Variants in BCAN observed in about 807,000 individuals in gnomAD.
BCAN encodes brevican core protein.
In BCAN, 51 loss-of-function variants were observed where a neutral mutation model predicts 92.4. The observed-to-expected ratio is 0.55, with a 90% CI of 0.44 to 0.70. BCAN has a LOEUF of 0.70. Among genes scored for constraint, BCAN ranks in the 30% least tolerant of loss-of-function variants. The probability of loss-of-function intolerance (pLI) is 0.00; values close to 1 mark genes in which losing one functional copy is unlikely to be tolerated. For synonymous variants in BCAN, 501 were observed against 505.2 expected (o/e 0.99, Z 0.11); for missense variants, 1,140 against 1,212.1 (o/e 0.94, Z 0.88).
intron 1 of BCAN, 76 bp from the exon 2 acceptor site, chr1:156,645,971 T>G: frequency 7.9e-7 from 1 of 1,265,440 alleles, no homozygotes; most frequent in Non-Finnish European, 1.1e-6. Flanking sequence ...TGAACCCACA[T>G]GGGTGTGGTA....
In BCAN at chr1:156,659,164, A is replaced by C; in HGVS notation, c.*30A>C. 6.6e-7 allele frequency: 1 copy of C among 1,504,262 alleles called. No homozygotes were observed. 93.2% of individuals were successfully genotyped at this position (1,504,262 alleles called of 1,614,324 possible). On this transcript the variant is annotated 3_prime_UTR_variant, in exon 14 of 14. Transcript: ENST00000329117. ...CAAGGCCTTGAACACTGCCGGCCAC[A>C]GCACTGCCCTGTCACCCAAATTTTC...
At position 156,652,901 on chromosome 1, in the gene BCAN, G is replaced by T. The variant is rs1403366398; in HGVS notation, c.1942+9G>T. 1 of 1,613,134 alleles carries T rather than the reference G, an allele frequency of 6.2e-7. No individual in the cohort carries two copies. The highest frequency in any genetic ancestry group is 8.5e-7 in the Non-Finnish European group (1 of 1,179,896). On this transcript the variant is annotated intron_variant, in intron 8 of 13. Transcript: ENST00000329117. ...CGTGGTCCCCGCATCAGGTAATTCT[G>T]CCCAAGGCTCAACTGCCCTCTCTAT... is the stretch of plus-strand genomic sequence containing the variant.
intron 2 of BCAN, chr1:156,646,478 AG>A: frequency 2.0e-6 from 1 of 495,170 alleles, no homozygotes; most frequent in Non-Finnish European, 3.5e-6. Context: ...TGGAGGACTC[AG>A]GGGGCGAGGT....
intron 8 of BCAN, 33 bp downstream of exon 8, chr1:156,652,925 A>G (rs780682225): frequency 3.7e-6 from 6 of 1,608,364 alleles, no homozygotes; most frequent in East Asian, 2.2e-5. Context: ...TGCCCTCTCT[A>G]TCCTACTCCT....
chr1:156,653,478 G>A (rs1679244005), intron 8 of BCAN: 1 of 987,354 alleles, frequency 1.0e-6, no homozygotes, highest in Admixed American at 6.0e-5. Context: ...ACCAAGCTCT[G>A]GTACCCTCTG....
Position 156,658,030 on chromosome 1 carries a change from T to C in BCAN, c.2293-97T>C. ...CCCCTAGCCCTAACCTTCCCTCTCCTGGGGCCCCGCTCACCAGCCCTCCTC... is the reference window on the plus strand; with the variant it reads ...CCCCTAGCCCTAACCTTCCCTCTCCCGGGGCCCCGCTCACCAGCCCTCCTC... On this transcript the variant is annotated intron_variant, in intron 11 of 13. Transcript: ENST00000329117. The surrounding 1 kb of genome is among the most constrained non-coding windows in gnomAD (Gnocchi z 4.4). The C allele has an allele frequency of 2.1e-6, 3 of 1,452,608 alleles. No homozygotes were observed. Among genetic ancestry groups the C allele is most frequent in the East Asian group, 2.3e-5 (1 of 42,832 alleles). The allele number at this position is 1,452,608 out of a possible 1,614,324, so 90.0% of individuals were successfully genotyped here.
At chr1:156,649,343 A>T (rs4233512) in intron 6 of BCAN, among the ~76,000 whole-genome samples, 82,652 of 152,110 alleles carry the variant, frequency 0.54, 24,383 homozygotes, top group African/African-American at 0.78. Flanking sequence ...CAATTCCCCC[A>T]AAAGGGAGCA....
chr1:156,654,847 G>T (rs1400059733), intron 8 of BCAN, among the ~76,000 whole-genome samples: 1 of 152,176 alleles, frequency 6.6e-6, no homozygotes, highest in Non-Finnish European at 1.5e-5. Flanking sequence ...ACCACAAGCT[G>T]GGAAGAAACT....
chr1:156,647,214 G>T lies in BCAN; in HGVS notation c.466+39G>T. On this transcript the variant is annotated intron_variant, in intron 3 of 13. Coordinates refer to ENST00000329117, the MANE Select transcript of BCAN (RefSeq NM_021948.5). This position sits in a 1 kb window ranked among gnomAD's most constrained non-coding sequence, Gnocchi z 4.8. ...GAGGTTCCAGAGGGAGGGAGGGAGGGAGGGAAGGGAGGACTCTTGCCTTCG... is the reference window on the plus strand; with the variant it reads ...GAGGTTCCAGAGGGAGGGAGGGAGGTAGGGAAGGGAGGACTCTTGCCTTCG... 5.0e-6 allele frequency: 2 copies of T among 400,874 alleles called. No homozygotes were observed. The highest frequency in any genetic ancestry group is 1.0e-5 in the Non-Finnish European group (2 of 196,034). 24.8% of individuals were successfully genotyped at this position (400,874 alleles called of 1,614,324 possible). A position where few individuals can be genotyped will look rare whatever the true frequency, so the allele number is the denominator to read the frequency against.
chr1:156,656,611 C>G (rs1273312921), intron 9 of BCAN: 1 of 483,480 alleles, frequency 2.1e-6, no homozygotes, highest in Non-Finnish European at 3.6e-6. Flanking sequence ...GCAAAGCATA[C>G]TCCTGGCATT....
intron 8 of BCAN, chr1:156,653,212 G>A: frequency 3.8e-6 from 5 of 1,312,694 alleles, no homozygotes; most frequent in Non-Finnish European, 4.8e-6. Flanking sequence ...CTCTCCAAGG[G>A]TCCTCATCAC....
At chr1:156,655,104 T>C (rs992294591) in intron 8 of BCAN, among the ~76,000 whole-genome samples, 2 of 152,192 alleles carry the variant, frequency 1.3e-5, no homozygotes, top group African/African-American at 2.4e-5. Flanking sequence ...TGGTTTTGCC[T>C]CTCATGGCTG....
At position 156,642,171 on chromosome 1, in the gene BCAN, C is replaced by T. The variant is rs1425511070; in HGVS notation, c.-113C>T. On this transcript the variant is annotated 5_prime_UTR_variant, in exon 1 of 14. Transcript: ENST00000329117. The surrounding 1 kb of genome is among the most constrained non-coding windows in gnomAD (Gnocchi z 4.2). ...CTCCTCACGCTCGCGCAGTCTCCGC[C>T]GCAGTCTCAGCTGCAGCTGCAGGAC... 2 of 152,320 alleles carry T rather than the reference C, an allele frequency of 1.3e-5. No individual in the cohort carries two copies. The highest frequency in any genetic ancestry group is 4.8e-5 in the African/African-American group (2 of 41,460). 9.4% of individuals were successfully genotyped at this position (152,320 alleles called of 1,614,324 possible). A position where few individuals can be genotyped will look rare whatever the true frequency, so the allele number is the denominator to read the frequency against.
intron 8 of BCAN, 25 bp from the exon 9 acceptor site, chr1:156,656,257 C>CGCCTCACTTCTTTCCCCCT: frequency 6.9e-7 from 1 of 1,445,998 alleles, no homozygotes; most frequent in Admixed American, 3.0e-5. Flanking sequence ...TCGCTCCCCC[C>CGCCTCACTTCTTTCCCCCT]GCCTCACTTC....
At chr1:156,650,368 G>A (rs1045083092) in intron 6 of BCAN, among the ~76,000 whole-genome samples, 5 of 152,040 alleles carry the variant, frequency 3.3e-5, no homozygotes, top group African/African-American at 1.2e-4. Context: ...ATGAGGGCAG[G>A]GACTCACTGT....
In BCAN at chr1:156,651,615, T is replaced by C; in HGVS notation, c.1223T>C (p.Ile408Thr). 6.2e-7 allele frequency: 1 copy of C among 1,613,706 alleles called. No individual in the cohort carries two copies. The highest frequency in any genetic ancestry group is 8.5e-7 in the Non-Finnish European group (1 of 1,179,982). Residue 408 changes from isoleucine to threonine, a missense_variant, in exon 7 of 14, where the codon ATC (isoleucine) becomes ACC (threonine). Transcript: ENST00000329117. ...GAATCCCGTGGGGCCATCTACTCCATCCCCATCATGGAGGACGGAGGAGGT... is the reference window on the plus strand; with the variant it reads ...GAATCCCGTGGGGCCATCTACTCCACCCCCATCATGGAGGACGGAGGAGGT... The part of the protein sequence containing the change: ...ESESRGAIYS[I>T]PIMEDGGGGS...
rs151255213 is a variant in BCAN, at chr1:156,649,733, C to T, written c.1063+872C>T. 3.0e-4 allele frequency among the ~76,000 whole-genome samples: 45 copies of T among 152,228 alleles called. No homozygotes were observed. The East Asian group carries it at 4.4e-3, about 15-fold the overall frequency. ...CCATATCTTATGTTGGGAGCTGGAG[C>T]GGGAGGCAGTTTCTGGGACTCTCAG... On this transcript the variant is annotated intron_variant, in intron 6 of 13. Transcript: ENST00000329117.
At chr1:156,645,720 C>G (rs940229527) in intron 1 of BCAN, among the ~76,000 whole-genome samples, 1 of 152,136 alleles carries the variant, frequency 6.6e-6, no homozygotes, top group African/African-American at 2.4e-5. Context: ...TTTTAAGATA[C>G]TAAACACTCT....
chr1:156,644,069 CAG>C (rs1346690263), intron 1 of BCAN: 2 of 152,214 alleles, frequency 1.3e-5, no homozygotes, highest in African/African-American at 4.8e-5. Context: ...ACTGGAGAGA[CAG>C]AGCTCTCTCA....
Sources: gnomAD v4.1 joint callset for allele counts (sites outside exome capture counted in the v4.1 genomes callset) on GRCh38, gnomAD v4.1.1 for gene constraint, Gnocchi (gnomAD v3.1) non-coding constraint, MANE v1.5 for transcripts, NCBI Gene and HGNC (gene_info 2026-07-23, HGNC 2026-07-21) for gene names.